FRAS1: variants seen among roughly 807,000 people sequenced by gnomAD.
FRAS1 encodes extracellular matrix organizing protein FRAS1.
In FRAS1, 290 loss-of-function variants were observed where a neutral mutation model predicts 435.2. That is an observed-to-expected ratio of 0.67 (90% CI 0.61 to 0.73). The LOEUF is 0.73. Among genes scored for constraint, FRAS1 ranks in the 30% least tolerant of loss-of-function variants. The probability of loss-of-function intolerance (pLI) is 0.00; values close to 1 mark genes in which losing one functional copy is unlikely to be tolerated. For missense variants in FRAS1, 4,860 were observed against 5,001.5 expected (o/e 0.97, Z 0.85); for synonymous variants, 1,800 against 1,851.0 (o/e 0.97, Z 0.71).
At chr4:78,302,891 G>C (rs534742041) in intron 14 of FRAS1, among the ~76,000 whole-genome samples, 1 of 152,268 alleles carries the variant, frequency 6.6e-6, no homozygotes, top group African/African-American at 2.4e-5. Context: ...TTTGACTTTT[G>C]TTGCCATTGC....
intron 70 of FRAS1, among the ~76,000 whole-genome samples, chr4:78,531,935 T>A (rs1721728285): frequency 6.6e-6 from 1 of 152,220 alleles, no homozygotes; most frequent in African/African-American, 2.4e-5. Flanking sequence ...TAAAATATAT[T>A]AAAAATCCAA....
At chr4:78,065,712 G>C (rs914880628) in intron 1 of FRAS1, among the ~76,000 whole-genome samples, 1 of 152,118 alleles carries the variant, frequency 6.6e-6, no homozygotes, top group Admixed American at 6.5e-5. Context: ...AATATTTACT[G>C]TATTTATAGC....
At chr4:78,387,283 C>A in intron 28 of FRAS1, 92 bp from the exon 29 acceptor site, 3 of 968,100 alleles carry the variant, frequency 3.1e-6, no homozygotes, top group Admixed American at 2.4e-5. Flanking sequence ...TAGAGTTTCT[C>A]AAAAAGTATA....
At chr4:78,314,255 G>T (rs1439632885) in intron 15 of FRAS1, among the ~76,000 whole-genome samples, 1 of 152,070 alleles carries the variant, frequency 6.6e-6, no homozygotes, top group African/African-American at 2.4e-5. Flanking sequence ...CTCCAGAACT[G>T]TAAGTTACAT....
At chr4:78,116,251 T>C (rs998657458) in intron 2 of FRAS1, among the ~76,000 whole-genome samples, 3 of 152,224 alleles carry the variant, frequency 2.0e-5, no homozygotes, top group Non-Finnish European at 4.4e-5. Context: ...TACTTCCAAC[T>C]ATGTAGTCAA....
rs763586683 is a variant in FRAS1 at position 78,160,244 on chromosome 4, C to T, written c.109-77266C>T. ...AAAAAGAAATACGTTTTAAATGTTT[C>T]TCTCAGTAAGAATGCAAGAGTTCCA... On this transcript the variant is annotated intron_variant, in intron 2 of 73. Transcript: ENST00000512123. Among the ~76,000 whole-genome samples the T allele has an allele frequency of 3.3e-5, 5 of 152,326 alleles. No homozygotes were observed. The South Asian group carries it at 1.0e-3, about 32-fold the overall frequency.
intron 3 of FRAS1, among the ~76,000 whole-genome samples, chr4:78,239,348 T>C (rs923205197): frequency 6.6e-6 from 1 of 152,196 alleles, no homozygotes; most frequent in Non-Finnish European, 1.5e-5. Context: ...TCTTCCTTCA[T>C]GAAACAGTAA....
At chr4:78,455,224 C>T (rs529206971) in intron 47 of FRAS1, among the ~76,000 whole-genome samples, 1 of 152,270 alleles carries the variant, frequency 6.6e-6, no homozygotes, top group African/African-American at 2.4e-5. Flanking sequence ...TCCTTCCCTA[C>T]CTCCCCGGCT....
chr4:78,372,874 C>A lies in FRAS1; in HGVS notation c.3010+16C>A. On this transcript the variant is annotated intron_variant, in intron 24 of 73. Transcript: ENST00000512123. Reference sequence around the variant, plus strand: ...CTCTGCAAGAGTAAGTGTGTAGAGGCCCTGCTCTGTGCTCAGCCATACCTT... The same window carrying A: ...CTCTGCAAGAGTAAGTGTGTAGAGGACCTGCTCTGTGCTCAGCCATACCTT... 1 of 1,610,002 alleles carries A rather than the reference C, an allele frequency of 6.2e-7. No homozygotes were observed. Among genetic ancestry groups the A allele is most frequent in the Non-Finnish European group, 8.5e-7 (1 of 1,178,916 alleles).
At chr4:78,396,057 C>T (rs1355860329) in intron 29 of FRAS1, among the ~76,000 whole-genome samples, 1 of 152,030 alleles carries the variant, frequency 6.6e-6, no homozygotes. Flanking sequence ...ATGAGGGTTA[C>T]ATAAAATATC....
intron 2 of FRAS1, among the ~76,000 whole-genome samples, chr4:78,081,335 G>A (rs976515578): frequency 1.3e-5 from 2 of 152,178 alleles, no homozygotes; most frequent in African/African-American, 4.8e-5. Flanking sequence ...CAGCTAGTGT[G>A]AAAGAGGATC....
intron 2 of FRAS1, among the ~76,000 whole-genome samples, chr4:78,234,866 T>A (rs2110111927): frequency 6.6e-6 from 1 of 152,364 alleles, no homozygotes; most frequent in Non-Finnish European, 1.5e-5. Flanking sequence ...CATGTAAATC[T>A]ACACCAATGT....
At chr4:78,460,081 G>A (rs1445955831) in intron 47 of FRAS1, among the ~76,000 whole-genome samples, 3 of 152,200 alleles carry the variant, frequency 2.0e-5, no homozygotes, top group African/African-American at 4.8e-5. Context: ...CAAGAAGGCT[G>A]GGAGTCTCCC....
At chr4:78,373,972 C>A in intron 24 of FRAS1, 139 bp from the exon 25 acceptor site, 1 of 661,698 alleles carries the variant, frequency 1.5e-6, no homozygotes, top group East Asian at 2.9e-5. Context: ...AGAACCCAGA[C>A]TCCTTGACTC....
At chr4:78,212,742 A>C (rs963300356) in intron 2 of FRAS1, among the ~76,000 whole-genome samples, 1 of 152,216 alleles carries the variant, frequency 6.6e-6, no homozygotes, top group Non-Finnish European at 1.5e-5. Flanking sequence ...TATTGATTCT[A>C]CTTACTGTGA....
intron 2 of FRAS1, among the ~76,000 whole-genome samples, chr4:78,109,405 T>C (rs545424067): frequency 0.046 from 6,806 of 149,484 alleles, 205 homozygotes; most frequent in Admixed American, 0.073. Flanking sequence ...TCCACCATGA[T>C]CAAGTGGGCT....
intron 29 of FRAS1, among the ~76,000 whole-genome samples, chr4:78,389,204 A>G (rs1010609513): frequency 6.6e-6 from 1 of 152,368 alleles, no homozygotes; most frequent in East Asian, 1.9e-4. Context: ...ACTCAGTTGC[A>G]TCAAGAATGG....
At chr4:78,317,628 C>T in intron 17 of FRAS1, 120 bp downstream of exon 17, 1 of 898,952 alleles carries the variant, frequency 1.1e-6, no homozygotes, top group Non-Finnish European at 1.6e-6. Flanking sequence ...TATGGCTATC[C>T]ATACATTATA....
At chr4:78,133,338 G>A (rs1258912715) in intron 2 of FRAS1, among the ~76,000 whole-genome samples, 1 of 151,434 alleles carries the variant, frequency 6.6e-6, no homozygotes, top group African/African-American at 2.4e-5. Flanking sequence ...TGAACTCATG[G>A]AGATAGAAAG....
Sources: gnomAD v4.1 joint callset for allele counts (sites outside exome capture counted in the v4.1 genomes callset) on GRCh38, gnomAD v4.1.1 for gene constraint, MANE v1.5 for transcripts, NCBI Gene and HGNC (gene_info 2026-07-23, HGNC 2026-07-21) for gene names.